The following GRIK1 variants were observed in gnomAD, a reference collection of about 807,000 sequenced individuals.
The protein encoded by GRIK1 is glutamate receptor ionotropic, kainate 1.
Under a neutral mutation model 105.7 loss-of-function variants are expected in GRIK1, and 69 were observed. That is an observed-to-expected ratio of 0.65 (90% CI 0.54 to 0.80). GRIK1 has a LOEUF of 0.80. Among genes scored for constraint, GRIK1 ranks in the 30% least tolerant of loss-of-function variants. GRIK1 has a pLI of 0.00. For missense variants in GRIK1, 1,109 were observed against 1,167.3 expected, an observed-to-expected ratio of 0.95 and a Z score of 0.73; for synonymous variants, 438 against 431.3, an observed-to-expected ratio of 1.02 and a Z score of -0.19.
At chr21:29,738,377 C>G (rs188123983) in intron 1 of GRIK1, among the ~76,000 whole-genome samples, 2 of 152,206 alleles carry the variant, frequency 1.3e-5, no homozygotes, top group African/African-American at 4.8e-5. Flanking sequence ...TCAGAAGAAG[C>G]AAACAGTTTT....
chr21:29,931,881 A>G (rs1175875224), intron 1 of GRIK1, among the ~76,000 whole-genome samples: 2 of 152,184 alleles, frequency 1.3e-5, no homozygotes, highest in Non-Finnish European at 2.9e-5. Context: ...TGGTGTAAAA[A>G]ATAATATGTT....
intron 4 of GRIK1, among the ~76,000 whole-genome samples, chr21:29,670,270 C>G (rs1214458892): frequency 6.6e-6 from 1 of 152,088 alleles, no homozygotes; most frequent in African/African-American, 2.4e-5. Context: ...CAAACATAGG[C>G]CAAAACATGA....
intron 9 of GRIK1, among the ~76,000 whole-genome samples, chr21:29,591,894 A>T (rs2268202): frequency 0.16 from 24,309 of 151,694 alleles, 2,091 homozygotes; most frequent in South Asian, 0.25. Context: ...ACAAAAAATT[A>T]AAAAAAATTA....
At chr21:29,706,631 AAG>A (rs1194818592) in intron 1 of GRIK1, among the ~76,000 whole-genome samples, 1 of 152,208 alleles carries the variant, frequency 6.6e-6, no homozygotes, top group Non-Finnish European at 1.5e-5. Flanking sequence ...GTCCCAGATG[AAG>A]AGAGATAAGC....
rs2061418121 is a variant in GRIK1 at position 29,596,580 on chromosome 21, C to A, written c.1207-10G>T. 6.2e-7 allele frequency: 1 copy of A among 1,600,918 alleles called. No individual in the cohort carries two copies. Among genetic ancestry groups the A allele is most frequent in the Non-Finnish European group, 8.6e-7 (1 of 1,168,192 alleles). ...ACACTTCGCCAGCAGCCTTGGTTTT[C>A]AGAGAGAAAAATAAAATAAAAACAG... is the stretch of plus-strand genomic sequence containing the variant. On this transcript the variant is annotated splice_polypyrimidine_tract_variant and intron_variant, in intron 8 of 17. Coordinates refer to ENST00000327783, the MANE Select transcript of GRIK1 (RefSeq NM_001330994.2).
At chr21:29,908,396 G>A (rs2070714976) in intron 1 of GRIK1, among the ~76,000 whole-genome samples, 1 of 151,866 alleles carries the variant, frequency 6.6e-6, no homozygotes, top group Non-Finnish European at 1.5e-5. Context: ...TGTCATGTTG[G>A]CTGAATCTAC....
intron 4 of GRIK1, among the ~76,000 whole-genome samples, chr21:29,659,896 AG>A (rs1458969484): frequency 6.6e-6 from 1 of 152,144 alleles, no homozygotes; most frequent in African/African-American, 2.4e-5. Context: ...TGGTAGGCGG[AG>A]ATTGTGGTGA....
At chr21:29,732,407 GTAA>G (rs2064656795) in intron 1 of GRIK1, among the ~76,000 whole-genome samples, 1 of 152,280 alleles carries the variant, frequency 6.6e-6, no homozygotes, top group East Asian at 1.9e-4. Context: ...GCTGGCAACT[GTAA>G]TTTGGGGCTA....
chr21:29,588,454 G>C (rs2061279265), intron 11 of GRIK1, among the ~76,000 whole-genome samples: 1 of 152,108 alleles, frequency 6.6e-6, no homozygotes, highest in Non-Finnish European at 1.5e-5. Flanking sequence ...GATTTTATAA[G>C]TGTCTAGCAT....
intron 1 of GRIK1, among the ~76,000 whole-genome samples, chr21:29,742,443 A>T (rs1345045421): frequency 6.6e-6 from 1 of 152,220 alleles, no homozygotes; most frequent in African/African-American, 2.4e-5. Flanking sequence ...AACACTGTAT[A>T]TTACTGAGTC....
chr21:29,758,530 G>A (rs1356313148), intron 1 of GRIK1, among the ~76,000 whole-genome samples: 1 of 152,126 alleles, frequency 6.6e-6, no homozygotes, highest in Non-Finnish European at 1.5e-5. Context: ...CGACATATGG[G>A]AATTATGGGA....
intron 5 of GRIK1, among the ~76,000 whole-genome samples, chr21:29,654,160 A>G (rs2062798866): frequency 6.6e-6 from 1 of 152,160 alleles, no homozygotes; most frequent in Non-Finnish European, 1.5e-5. Context: ...GGGGGCTGTC[A>G]CTGATTTCTG....
chr21:29,933,467 GTGTT>G (rs1025608360), intron 1 of GRIK1, among the ~76,000 whole-genome samples: 4 of 152,116 alleles, frequency 2.6e-5, no homozygotes, highest in Admixed American at 1.3e-4. Context: ...AAGAAACAGA[GTGTT>G]TGTTTGTTTG....
chr21:29,854,247 C>A (rs2068393382), intron 1 of GRIK1, among the ~76,000 whole-genome samples: 1 of 152,068 alleles, frequency 6.6e-6, no homozygotes, highest in Non-Finnish European at 1.5e-5. Context: ...AAATAACCAG[C>A]TCTCACATAA....
chr21:29,616,599 G>A (rs1347399778), intron 7 of GRIK1, among the ~76,000 whole-genome samples: 1 of 152,142 alleles, frequency 6.6e-6, no homozygotes, highest in African/African-American at 2.4e-5. Context: ...ATTTCCTCAG[G>A]CTGAGGATTC....
intron 1 of GRIK1, among the ~76,000 whole-genome samples, chr21:29,860,231 C>T (rs1226456991): frequency 6.6e-6 from 1 of 152,182 alleles, no homozygotes; most frequent in African/African-American, 2.4e-5. Context: ...TACTCTAAGC[C>T]TTTTGACTGC....
intron 1 of GRIK1, among the ~76,000 whole-genome samples, chr21:29,930,193 T>C (rs1009680397): frequency 6.6e-6 from 1 of 152,170 alleles, no homozygotes. Flanking sequence ...CTACCCAGAA[T>C]TCAAAAGGCA....
chr21:29,819,204 A>G (rs1485853958), intron 1 of GRIK1, among the ~76,000 whole-genome samples: 1 of 152,108 alleles, frequency 6.6e-6, no homozygotes. Context: ...GATGATGATT[A>G]TTTATTAGTT....
At chr21:29,833,020 C>A (rs751436583) in intron 1 of GRIK1, among the ~76,000 whole-genome samples, 3 of 152,176 alleles carry the variant, frequency 2.0e-5, no homozygotes, top group Non-Finnish European at 4.4e-5. Context: ...TTAGAAATTT[C>A]TTCTGCCAGA....
Sources: allele counts gnomAD v4.1 joint callset (sites outside exome capture counted in the v4.1 genomes callset), GRCh38; gene constraint gnomAD v4.1.1; transcripts MANE v1.5; gene names NCBI Gene and HGNC (gene_info 2026-07-23, HGNC 2026-07-21).